The following HACE1 variants were observed in gnomAD, a reference collection of about 807,000 sequenced individuals.
HACE1 encodes E3 ubiquitin-protein ligase HACE1.
Under a neutral mutation model 118.4 loss-of-function variants are expected in HACE1, and 73 were observed. The ratio of observed to expected loss-of-function variants is 0.62; its 90% CI spans 0.51 to 0.75. The LOEUF is 0.75. Among genes scored for constraint, HACE1 ranks in the 30% least tolerant of loss-of-function variants. The pLI, the probability that HACE1 is intolerant of heterozygous loss-of-function variation, is 0.00. For synonymous variants in HACE1, 368 were observed against 374.8 expected, an observed-to-expected ratio of 0.98 and a Z score of 0.21; for missense variants, 749 against 1,102.2, an observed-to-expected ratio of 0.68 and a Z score of 4.54.
chr6:104,770,874 G>C (rs953785250), intron 19 of HACE1, among the ~76,000 whole-genome samples: 2 of 152,080 alleles, frequency 1.3e-5, no homozygotes, highest in Non-Finnish European at 2.9e-5. Context: ...AAACATGAAA[G>C]AGCAATTTTT....
At chr6:104,828,881 T>A (rs539773239) in intron 6 of HACE1, among the ~76,000 whole-genome samples, 1 of 152,050 alleles carries the variant, frequency 6.6e-6, no homozygotes, top group African/African-American at 2.4e-5. Flanking sequence ...CATTTAGCTA[T>A]ATATTCTACA....
chr6:104,814,867 G>C (rs1484813399), intron 6 of HACE1, among the ~76,000 whole-genome samples: 1 of 138,180 alleles, frequency 7.2e-6, no homozygotes, highest in Non-Finnish European at 1.6e-5. Context: ...CACCATGATT[G>C]TAAGTTTCCT....
Position 104,771,349 on chromosome 6 carries a change from T to G in HACE1, c.2055A>C (p.Pro685=). The change falls in exon 19 of 24, where the codon CCA becomes CCC. Residue 685 remains proline, a synonymous_variant. Coordinates refer to ENST00000262903, the MANE Select transcript of HACE1 (RefSeq NM_020771.4). ...TCCATTGCAAATTTTTCGCATATTC[T>G]GGATCAATGGATGCCACATCTTGGT... The part of the protein sequence containing the change: ...VNYQDVASID[P]EYAKNLQWIL... 1 of 1,612,664 alleles carries G rather than the reference T, an allele frequency of 6.2e-7. No homozygotes were observed. Among genetic ancestry groups the G allele is most frequent in the South Asian group, 1.1e-5 (1 of 91,038 alleles).
chr6:104,796,866 A>G lies in HACE1; in HGVS notation c.714+63T>C, dbSNP rs1769701735. On this transcript the variant is annotated intron_variant, in intron 8 of 23. Transcript: ENST00000262903. The stretch of plus-strand genomic sequence containing the variant: ...CTACCCTTTCATTGAAAAAATAATA[A>G]TTTTTACCATTCCAGTTTCTATTAT... 3.5e-6 allele frequency: 4 copies of G among 1,147,860 alleles called. No homozygotes were observed. In the East Asian group the frequency reaches 9.4e-5, roughly 27 times the overall value. The allele number at this position is 1,147,860 out of a possible 1,614,324, so 71.1% of individuals were successfully genotyped here.
chr6:104,759,782 A>C (rs1464516492), intron 19 of HACE1, among the ~76,000 whole-genome samples: 2 of 152,182 alleles, frequency 1.3e-5, no homozygotes, highest in Admixed American at 1.3e-4. Context: ...TGAAAAGATC[A>C]ACAAAATAGA....
At chr6:104,827,709 T>G (rs1443058276) in intron 6 of HACE1, among the ~76,000 whole-genome samples, 1 of 152,130 alleles carries the variant, frequency 6.6e-6, no homozygotes, top group African/African-American at 2.4e-5. Context: ...TTCAATTAAG[T>G]TTACATGGCT....
intron 7 of HACE1, among the ~76,000 whole-genome samples, chr6:104,799,222 G>A (rs1770026714): frequency 6.6e-6 from 1 of 152,204 alleles, no homozygotes; most frequent in South Asian, 2.1e-4. Context: ...ATTAGCCTGA[G>A]ACTGTCACTA....
In HACE1 at chr6:104,833,178, G is replaced by A; in HGVS notation, c.403-5C>T. 6.2e-7 allele frequency: 1 copy of A among 1,612,652 alleles called. No homozygotes were observed. The highest frequency in any genetic ancestry group is 8.5e-7 in the Non-Finnish European group (1 of 1,178,736). On this transcript the variant is annotated splice_region_variant and splice_polypyrimidine_tract_variant and intron_variant, in intron 5 of 23. Coordinates refer to ENST00000262903, the MANE Select transcript of HACE1 (RefSeq NM_020771.4). ...ATTCACAGCCAGCCAATGTATCTGTGAAGCCATTTAGTTACTTAACATTTG... is the reference window on the plus strand; with the variant it reads ...ATTCACAGCCAGCCAATGTATCTGTAAAGCCATTTAGTTACTTAACATTTG...
chr6:104,739,417 A>G (rs988141261), intron 22 of HACE1, among the ~76,000 whole-genome samples: 67 of 152,300 alleles, frequency 4.4e-4, no homozygotes, highest in African/African-American at 1.6e-3. Flanking sequence ...GTATTCAGGA[A>G]ACCCATCTCA....
At chr6:104,816,659 T>C (rs961219037) in intron 6 of HACE1, among the ~76,000 whole-genome samples, 1 of 152,106 alleles carries the variant, frequency 6.6e-6, no homozygotes, top group African/African-American at 2.4e-5. Context: ...TAGAACCCCA[T>C]ACAGGGCACT....
chr6:104,739,224 A>G (rs1197299575), intron 22 of HACE1, among the ~76,000 whole-genome samples: 1 of 152,232 alleles, frequency 6.6e-6, no homozygotes, highest in Non-Finnish European at 1.5e-5. Context: ...GCCAAAATGT[A>G]AAGACCATCA....
chr6:104,771,475 T>G (rs1316974859), intron 18 of HACE1, 86 bp from the exon 19 acceptor site: 3 of 829,700 alleles, frequency 3.6e-6, no homozygotes, highest in Non-Finnish European at 6.0e-6. Flanking sequence ...TCTACAGATA[T>G]TCTGAAAAAC....
At chr6:104,766,508 G>A (rs2114679498) in intron 19 of HACE1, among the ~76,000 whole-genome samples, 1 of 152,194 alleles carries the variant, frequency 6.6e-6, no homozygotes, top group East Asian at 1.9e-4. Flanking sequence ...AATAATCTAT[G>A]GATAAAAGTC....
At chr6:104,831,970 GAA>G (rs1773974559) in intron 6 of HACE1, among the ~76,000 whole-genome samples, 4 of 70,486 alleles carry the variant, frequency 5.7e-5, no homozygotes, top group African/African-American at 1.6e-4. Context: ...GAAGAGAAGA[GAA>G]GAGAAGAGAG....
chr6:104,846,099 T>C (rs1444141527), intron 4 of HACE1, among the ~76,000 whole-genome samples: 1 of 152,224 alleles, frequency 6.6e-6, no homozygotes, highest in East Asian at 1.9e-4. Context: ...TAATCTATAA[T>C]GCTTCCCCTT....
intron 2 of HACE1, 63 bp downstream of exon 2, chr6:104,852,254 C>A (rs1189071125): frequency 1.2e-5 from 11 of 895,794 alleles, no homozygotes; most frequent in Admixed American, 1.0e-4. Context: ...CACGGGCATG[C>A]AGTACACATT....
chr6:104,831,525 C>A (rs994163989), intron 6 of HACE1, among the ~76,000 whole-genome samples: 1 of 150,600 alleles, frequency 6.6e-6, no homozygotes, highest in African/African-American at 2.4e-5. Context: ...GCAGAGGTTG[C>A]AGTAAGCTGA....
chr6:104,859,666 T>A lies in HACE1; in HGVS notation c.-24A>T. 1 of 1,526,204 alleles carries A rather than the reference T, an allele frequency of 6.6e-7. No individual in the cohort carries two copies. The highest frequency in any genetic ancestry group is 2.0e-5 in the Admixed American group (1 of 50,120). The allele number at this position is 1,526,204 out of a possible 1,614,324, so 94.5% of individuals were successfully genotyped here. A position where few individuals can be genotyped will look rare whatever the true frequency, so the allele number is the denominator to read the frequency against. ...ATCCTCGGCGCGCCCTCCGCGATCC[T>A]CCGCGATCAGCCGCCCCACCGGCGG... On this transcript the variant is annotated 5_prime_UTR_variant, in exon 1 of 24. Coordinates refer to ENST00000262903, the MANE Select transcript of HACE1 (RefSeq NM_020771.4).
At chr6:104,783,493 C>G (rs553574832) in intron 14 of HACE1, among the ~76,000 whole-genome samples, 1 of 152,278 alleles carries the variant, frequency 6.6e-6, no homozygotes, top group African/African-American at 2.4e-5. Context: ...GTCATTATCT[C>G]CATTTTGTAG....
Sources: allele counts gnomAD v4.1 joint callset (sites outside exome capture counted in the v4.1 genomes callset), GRCh38; gene constraint gnomAD v4.1.1; transcripts MANE v1.5; gene names NCBI Gene and HGNC (gene_info 2026-07-23, HGNC 2026-07-21).